The following PDZD4 variants were observed in gnomAD, a reference collection of about 807,000 sequenced individuals.
PDZD4 encodes the protein PDZ domain-containing protein 4.
PDZD4 carries 9 observed loss-of-function variants against 38.5 expected under a neutral mutation model. The ratio of observed to expected loss-of-function variants is 0.23; its 90% CI spans 0.14 to 0.41. The LOEUF (loss-of-function observed/expected upper bound fraction) is 0.41. Among genes scored for constraint, PDZD4 ranks in the 10% least tolerant of loss-of-function variants. The probability of loss-of-function intolerance (pLI) is 1.00; values close to 1 mark genes in which losing one functional copy is unlikely to be tolerated. For synonymous variants in PDZD4, 349 were observed against 315.7 expected (o/e 1.11, Z -1.12); for missense variants, 612 against 722.0 (o/e 0.85, Z 1.75).
rs1557075607 is a variant in PDZD4 at position 153,803,906 on chromosome X, T to A, written c.1775A>T (p.Gln592Leu). The change falls in exon 8 of 8, where the codon CAG becomes CTG. Residue 592 changes from glutamine (Q) to leucine (L), a missense_variant. Gln to Leu is a moderately radical substitution (Grantham distance 113). This residue lies in a region of PDZD4 where 300 missense variants were observed against 284.6 expected (regional missense o/e 1.05). Coordinates refer to ENST00000393758, the MANE Select transcript of PDZD4 (RefSeq NM_001303512.2). Reference sequence around the variant, plus strand: ...CTCCAGGCCTCGCGTCGGGGCCAGCTGCACGCAGCTGTGGTAGTGCTCGCC... The same window carrying A: ...CTCCAGGCCTCGCGTCGGGGCCAGCAGCACGCAGCTGTGGTAGTGCTCGCC... Reference protein sequence around the residue: ...QEGEHYHSCVQLAPTRGLEEL... With the variant: ...QEGEHYHSCVLLAPTRGLEEL... 1 of 1,179,251 alleles carries A rather than the reference T, an allele frequency of 8.5e-7. No homozygotes were observed. The highest frequency in any genetic ancestry group is 2.4e-5 in the Admixed American group (1 of 42,309).
Position 153,803,302 on chromosome X carries a change from C to T in PDZD4, c.*51G>A, listed in dbSNP as rs782564473. 8 of 1,062,033 alleles carry T rather than the reference C, an allele frequency of 7.5e-6. No homozygotes were observed. In the Admixed American group the frequency reaches 1.4e-4, roughly 18 times the overall value. 87.5% of individuals were successfully genotyped at this position (1,062,033 alleles called of 1,213,427 possible). ...ACAATCTCTATAGGAGAGTGAGGGC[C>T]GGGGCCCCAGGGGGTTCCCTGGGCC... On this transcript the variant is annotated 3_prime_UTR_variant, in exon 8 of 8. Transcript: ENST00000393758.
rs782745253 is a variant in PDZD4 at position 153,808,380 on chromosome X, C to T, written c.276G>A (p.Pro92=). 4 of 1,209,125 alleles carry T rather than the reference C, an allele frequency of 3.3e-6. No homozygotes were observed. The highest frequency in any genetic ancestry group is 3.5e-5 in the African/African-American group (2 of 57,533). ...CGTACGGCTCCAGGATGACCATGGGCGGGGTGGGCGGACGCAGCTTGCCCA... is the reference window on the plus strand; with the variant it reads ...CGTACGGCTCCAGGATGACCATGGGTGGGGTGGGCGGACGCAGCTTGCCCA... ...MALGKLRPPT[P]PMVILEPYVL... Residue 92 remains proline (P), a synonymous_variant, in exon 2 of 8, where the codon CCG becomes CCA. Coordinates refer to ENST00000393758, the MANE Select transcript of PDZD4 (RefSeq NM_001303512.2).
At chrX:153,809,827 C>T (rs782621543) in intron 1 of PDZD4, among the ~76,000 whole-genome samples, 3 of 112,992 alleles carry the variant, frequency 2.7e-5, no homozygotes, top group African/African-American at 6.4e-5. Context: ...AGGAGGCCAT[C>T]GCGGGCCAGG....
intron 3 of PDZD4, 25 bp from the exon 4 acceptor site, chrX:153,806,865 GCA>G (rs2064255819): frequency 3.4e-6 from 4 of 1,166,470 alleles, no homozygotes; most frequent in Non-Finnish European, 4.7e-6. Flanking sequence ...CCGGGAGGAA[GCA>G]GAGGTAGAAA....
chrX:153,807,728 G>T, intron 2 of PDZD4: 2 of 209,357 alleles, frequency 9.6e-6, no homozygotes, highest in Non-Finnish European at 1.3e-5. Flanking sequence ...CTCATGCAAC[G>T]CCCCCAGGAG....
rs368385447 is a variant in PDZD4, at chrX:153,804,167, T to C, written c.1514A>G (p.Asn505Ser). ...ESPLRRAMAG[N>S]SNLNRTPPGP... ...GGGAGGGGTCCGGTTCAAGTTGGAG[T>C]TGCCGGCCATGGCCCGCCGCAGGGG... is the stretch of plus-strand genomic sequence containing the variant. Residue 505 changes from asparagine to serine, a missense_variant, in exon 8 of 8, where the codon AAC (asparagine) becomes AGC (serine). Physicochemically the swap from Asn to Ser is conservative, Grantham distance 46 (BLOSUM62 1). Coordinates refer to ENST00000393758, the MANE Select transcript of PDZD4 (RefSeq NM_001303512.2). The C allele has an allele frequency of 4.3e-4, 504 of 1,172,612 alleles. No individual in the cohort carries two copies. The highest frequency in any genetic ancestry group is 5.5e-4 in the Non-Finnish European group (485 of 877,416).
At chrX:153,818,351 T>C (rs970352166) in intron 1 of PDZD4, among the ~76,000 whole-genome samples, 1 of 110,947 alleles carries the variant, frequency 9.0e-6, no homozygotes, top group African/African-American at 3.3e-5. Flanking sequence ...GGCAAGAGGA[T>C]CACCTGAGCA....
intron 1 of PDZD4, among the ~76,000 whole-genome samples, chrX:153,829,366 G>A (rs2064516863): frequency 9.0e-6 from 1 of 111,283 alleles, no homozygotes; most frequent in Non-Finnish European, 1.9e-5. Flanking sequence ...ACCTGTCTGA[G>A]CCCTGTCTGC....
intron 1 of PDZD4, chrX:153,829,700 C>G (rs1352772560): frequency 5.3e-6 from 4 of 752,511 alleles, no homozygotes; most frequent in Non-Finnish European, 6.3e-6. Flanking sequence ...CCGCAGAGAG[C>G]CCAACCCGCT....
chrX:153,805,079 G>T lies in PDZD4; in HGVS notation c.780+18C>A. 3 of 1,198,992 alleles carry T rather than the reference G, an allele frequency of 2.5e-6. No individual in the cohort carries two copies. The highest frequency in any genetic ancestry group is 2.3e-4 in the Middle Eastern group (1 of 4,325). On this transcript the variant is annotated intron_variant, in intron 7 of 7. Transcript: ENST00000393758. Reference sequence around the variant, plus strand: ...TCTCCTCCTCGCCCTCCCCACCAGCGCCCTTTTCCTTCCTCACCTGCTGGG... The same window carrying T: ...TCTCCTCCTCGCCCTCCCCACCAGCTCCCTTTTCCTTCCTCACCTGCTGGG...
intron 1 of PDZD4, among the ~76,000 whole-genome samples, chrX:153,827,401 G>A: frequency 8.9e-6 from 1 of 112,196 alleles, no homozygotes; most frequent in Non-Finnish European, 1.9e-5. Flanking sequence ...TTAAAAGCAA[G>A]GACTCAAACA....
rs782580890 is a variant in PDZD4 at position 153,807,247 on chromosome X, G to A, written c.405+32C>T. ...GGCGTCGGGGCGGCTCCCGCAGCTG[G>A]CTGCGGGCCCTGGCCTGGCCACCCG... On this transcript the variant is annotated intron_variant, in intron 3 of 7. Transcript: ENST00000393758. 97 of 1,192,272 alleles carry A rather than the reference G, an allele frequency of 8.1e-5. 1 individual carries two copies. Among genetic ancestry groups the A allele is most frequent in the Non-Finnish European group, 1.1e-4 (95 of 883,942 alleles).
intron 1 of PDZD4, among the ~76,000 whole-genome samples, chrX:153,825,646 C>T (rs2064473442): frequency 8.9e-6 from 1 of 112,445 alleles, no homozygotes; most frequent in Middle Eastern, 4.6e-3. Flanking sequence ...CAACCCACAT[C>T]CGTGGAATAA....
intron 1 of PDZD4, among the ~76,000 whole-genome samples, chrX:153,823,510 G>A (rs2064449170): frequency 9.3e-6 from 1 of 107,456 alleles, no homozygotes; most frequent in South Asian, 4.2e-4. Flanking sequence ...GAGCCACCAC[G>A]CCTGGTCAAT....
intron 4 of PDZD4, 126 bp from the exon 5 acceptor site, chrX:153,806,259 C>T (rs1024737214): frequency 1.5e-6 from 1 of 667,510 alleles, no homozygotes; most frequent in Non-Finnish European, 2.4e-6. Flanking sequence ...AGCTCTGAGC[C>T]CCAGGAAGCA....
chrX:153,827,488 C>T (rs1340540699), intron 1 of PDZD4, among the ~76,000 whole-genome samples: 1 of 112,492 alleles, frequency 8.9e-6, no homozygotes, highest in Non-Finnish European at 1.9e-5. Context: ...TGCTCATCAA[C>T]TGACGAATGG....
chrX:153,810,106 G>A (rs1423868545), intron 1 of PDZD4, among the ~76,000 whole-genome samples: 1 of 112,801 alleles, frequency 8.9e-6, no homozygotes, highest in Non-Finnish European at 1.9e-5. Flanking sequence ...TTCAGGGCAC[G>A]TGCCATGGGG....
At chrX:153,805,297 T>G (rs1202568130) in intron 6 of PDZD4, 90 bp from the exon 7 acceptor site, 19 of 885,279 alleles carry the variant, frequency 2.1e-5, no homozygotes, top group Non-Finnish European at 2.9e-5. Context: ...TTGGCTTGTT[T>G]CGGTGAAGCT....
chrX:153,803,580 G>A lies in PDZD4; in HGVS notation c.2101C>T (p.Arg701Cys), dbSNP rs782641912. Residue 701 changes from arginine (R) to cysteine (C), a missense_variant, in exon 8 of 8, where the codon CGC (arginine) becomes TGC (cysteine). Arg to Cys is a radical substitution (Grantham distance 180). Coordinates refer to ENST00000393758, the MANE Select transcript of PDZD4 (RefSeq NM_001303512.2). ...LIRAREQRKR[R>C]EFMMQSRLEC... is the part of the protein sequence containing the mutation. ...AGCCGGCTCTGCATCATGAACTCGC[G>A]CCGCTTCCGCTGCTCACGGGCCCGG... 1 of 1,209,941 alleles carries A rather than the reference G, an allele frequency of 8.3e-7. No individual in the cohort carries two copies. The highest frequency in any genetic ancestry group is 2.2e-5 in the Admixed American group (1 of 46,100).
Sources: gnomAD v4.1 joint callset for allele counts (sites outside exome capture counted in the v4.1 genomes callset) on GRCh38, gnomAD v4.1.1 for gene constraint, gnomAD v4.1.1 regional missense constraint, MANE v1.5 for transcripts, NCBI Gene and HGNC (gene_info 2026-07-23, HGNC 2026-07-21) for gene names.